The following GOLM1 variants were observed in gnomAD, a reference collection of about 807,000 sequenced individuals.
GOLM1 encodes the protein golgi membrane protein 1.
Under a neutral mutation model 50.5 loss-of-function variants are expected in GOLM1, and 31 were observed. That is an observed-to-expected ratio of 0.61 (90% CI 0.46 to 0.83). GOLM1 has a LOEUF of 0.83. GOLM1 is among the 40% of genes least tolerant of loss of function. The probability of loss-of-function intolerance (pLI) is 0.00; values close to 1 mark genes in which losing one functional copy is unlikely to be tolerated. For missense variants in GOLM1, 491 were observed against 501.3 expected, an observed-to-expected ratio of 0.98 and a Z score of 0.20; for synonymous variants, 178 against 192.8, an observed-to-expected ratio of 0.92 and a Z score of 0.64.
chr9:86,026,976 C>T lies in GOLM1; in HGVS notation c.*841G>A. 2 of 985,414 alleles carry T rather than the reference C, an allele frequency of 2.0e-6. No homozygotes were observed. Among genetic ancestry groups the T allele is most frequent in the Non-Finnish European group, 2.4e-6 (2 of 829,938 alleles). 61.0% of individuals were successfully genotyped at this position (985,414 alleles called of 1,614,324 possible). A position where few individuals can be genotyped will look rare whatever the true frequency, so the allele number is the denominator to read the frequency against. On this transcript the variant is annotated 3_prime_UTR_variant, in exon 10 of 10. Transcript: ENST00000388712. Reference sequence around the variant, plus strand: ...GATCTGTCCACAACAAACTTGCCCTCTCATGCCTTGCCTCTCACCATGCTC... The same window carrying T: ...GATCTGTCCACAACAAACTTGCCCTTTCATGCCTTGCCTCTCACCATGCTC...
At chr9:86,078,707 T>A (rs561732543) in intron 2 of GOLM1, among the ~76,000 whole-genome samples, 1 of 152,208 alleles carries the variant, frequency 6.6e-6, no homozygotes, top group Non-Finnish European at 1.5e-5. Context: ...ACCTGACCCA[T>A]GACTGCACCG....
intron 3 of GOLM1, among the ~76,000 whole-genome samples, chr9:86,071,999 A>G (rs1257519518): frequency 6.6e-6 from 1 of 152,234 alleles, no homozygotes; most frequent in East Asian, 1.9e-4. Flanking sequence ...GAAAGAATGA[A>G]CTAAATCTAT....
chr9:86,053,718 C>CCACACCAGA (rs1564347690), intron 3 of GOLM1, among the ~76,000 whole-genome samples: 5 of 135,952 alleles, frequency 3.7e-5, no homozygotes, highest in East Asian at 2.0e-4. Context: ...CCCACCGCAT[C>CCACACCAGA]ACAGACTGCT....
intron 8 of GOLM1, chr9:86,035,123 A>C: frequency 1.0e-6 from 1 of 985,318 alleles, no homozygotes; most frequent in African/African-American, 1.7e-5. Context: ...ATCCACTTGC[A>C]AGGTCCCCTC....
chr9:86,096,823 C>T (rs1222120566), intron 1 of GOLM1, among the ~76,000 whole-genome samples: 4 of 152,068 alleles, frequency 2.6e-5, no homozygotes, highest in Non-Finnish European at 5.9e-5. Context: ...AAATAAGCAA[C>T]AAATGCACAT....
At chr9:86,055,861 G>A (rs1033488350) in intron 3 of GOLM1, among the ~76,000 whole-genome samples, 1 of 152,136 alleles carries the variant, frequency 6.6e-6, no homozygotes, top group Admixed American at 6.5e-5. Context: ...GAGATCTGTT[G>A]CACAACAGCG....
intron 8 of GOLM1, among the ~76,000 whole-genome samples, chr9:86,034,483 A>G (rs1833074793): frequency 6.6e-6 from 1 of 152,098 alleles, no homozygotes; most frequent in Non-Finnish European, 1.5e-5. Context: ...GGGGTCTGAC[A>G]CTGGAGCGCC....
chr9:86,035,218 A>G (rs1174262483), intron 8 of GOLM1, 150 bp downstream of exon 8: 2 of 1,514,070 alleles, frequency 1.3e-6, no homozygotes, highest in East Asian at 2.3e-5. Flanking sequence ...GATAACGAAT[A>G]AGAAACCTTC....
intron 1 of GOLM1, among the ~76,000 whole-genome samples, chr9:86,087,230 C>T (rs555017948): frequency 6.6e-6 from 1 of 152,276 alleles, no homozygotes; most frequent in Non-Finnish European, 1.5e-5. Flanking sequence ...AATGGGAGCT[C>T]ATTCATGATT....
intron 1 of GOLM1, among the ~76,000 whole-genome samples, chr9:86,085,257 G>A (rs1457741809): frequency 6.6e-6 from 1 of 151,976 alleles, no homozygotes; most frequent in Admixed American, 6.6e-5. Flanking sequence ...TCATTTATTG[G>A]CCATCTGCAT....
chr9:86,098,107 T>C (rs1035233066), intron 1 of GOLM1, among the ~76,000 whole-genome samples: 3 of 152,194 alleles, frequency 2.0e-5, no homozygotes, highest in African/African-American at 7.2e-5. Context: ...AACCTCTCCA[T>C]AGGAGAACAA....
intron 4 of GOLM1, among the ~76,000 whole-genome samples, chr9:86,046,784 C>T (rs1010379218): frequency 2.0e-5 from 3 of 152,126 alleles, no homozygotes; most frequent in South Asian, 2.1e-4. Flanking sequence ...AGCAGCAAGC[C>T]GAAAGAAGCT....
At chr9:86,060,191 T>C (rs1834115174) in intron 3 of GOLM1, among the ~76,000 whole-genome samples, 1 of 152,064 alleles carries the variant, frequency 6.6e-6, no homozygotes, top group African/African-American at 2.4e-5. Flanking sequence ...CTTACACTTG[T>C]AGGACATCTC....
At chr9:86,065,302 A>G (rs988666196) in intron 3 of GOLM1, among the ~76,000 whole-genome samples, 1 of 152,232 alleles carries the variant, frequency 6.6e-6, no homozygotes, top group African/African-American at 2.4e-5. Context: ...CACTGGGCAC[A>G]GGCCAGGGCA....
chr9:86,040,262 T>TGC lies in GOLM1; in HGVS notation c.597+475_597+476dup, dbSNP rs759056392. On this transcript the variant is annotated intron_variant, in intron 6 of 9. Transcript: ENST00000388712. The stretch of plus-strand genomic sequence containing the variant: ...AATGCAAATTATATCTTAATAAAGC[T>TGC]GCTATATTTTTAAAAAACTACTCAA... Among the ~76,000 whole-genome samples the TGC allele has an allele frequency of 5.8e-4, 89 of 152,288 alleles. 1 individual carries two copies. The highest frequency in any genetic ancestry group is 1.1e-3 in the Non-Finnish European group (75 of 68,038).
intron 1 of GOLM1, among the ~76,000 whole-genome samples, chr9:86,097,064 G>C (rs11141233): frequency 0.034 from 3,812 of 113,128 alleles, 67 homozygotes; most frequent in South Asian, 0.056. Context: ...GAGAAGGCAT[G>C]GACTTTTTTT....
chr9:86,065,328 T>C (rs1053014318), intron 3 of GOLM1, among the ~76,000 whole-genome samples: 2 of 152,186 alleles, frequency 1.3e-5, no homozygotes, highest in African/African-American at 2.4e-5. Flanking sequence ...GAACAAATAC[T>C]GAACGGACTG....
intron 9 of GOLM1, among the ~76,000 whole-genome samples, chr9:86,032,770 C>T (rs1056355863): frequency 3.9e-5 from 6 of 152,172 alleles, no homozygotes; most frequent in Non-Finnish European, 8.8e-5. Context: ...TGCTGTTATG[C>T]CTCCTGGGGA....
At chr9:86,048,678 G>C (rs1210675500) in intron 4 of GOLM1, among the ~76,000 whole-genome samples, 1 of 152,150 alleles carries the variant, frequency 6.6e-6, no homozygotes, top group African/African-American at 2.4e-5. Context: ...ATCTTCTTTT[G>C]AGACATGCTT....
Sources: gnomAD v4.1 joint callset for allele counts (sites outside exome capture counted in the v4.1 genomes callset) on GRCh38, gnomAD v4.1.1 for gene constraint, MANE v1.5 for transcripts, NCBI Gene and HGNC (gene_info 2026-07-23, HGNC 2026-07-21) for gene names.